Variants in PCDHGB1 observed in about 807,000 individuals in gnomAD.
The protein encoded by PCDHGB1 is protocadherin gamma subfamily B, 1.
A neutral mutation model predicts 56.6 loss-of-function variants in PCDHGB1; 34 were observed. That is an observed-to-expected ratio of 0.60 (90% confidence interval 0.46 to 0.80). The LOEUF (loss-of-function observed/expected upper bound fraction) is 0.80. PCDHGB1 is among the 30% of genes least tolerant of loss of function. The pLI, the probability that PCDHGB1 is intolerant of heterozygous loss-of-function variation, is 0.00. For missense variants in PCDHGB1, 1,278 were observed against 1,204.6 expected, an observed-to-expected ratio of 1.06 and a Z score of -0.90; for synonymous variants, 561 against 505.9, an observed-to-expected ratio of 1.11 and a Z score of -1.46.
chr5:141,461,072 A>G (rs555905734), intron 1 of PCDHGB1, among the ~76,000 whole-genome samples: 2 of 151,574 alleles, frequency 1.3e-5, no homozygotes, highest in Non-Finnish European at 2.9e-5. Flanking sequence ...ACATTTTTGC[A>G]ATTGTGAATT....
At chr5:141,478,519 G>A in intron 1 of PCDHGB1, 2 of 1,610,728 alleles carry the variant, frequency 1.2e-6, no homozygotes, top group Non-Finnish European at 1.7e-6. Context: ...GGCAGGTGTT[G>A]GGTGCAGAGA....
rs772264177 is a variant in PCDHGB1 at position 141,376,458 on chromosome 5, T to C, written c.2409+23789T>C. On this transcript the variant is annotated intron_variant, in intron 1 of 3. Coordinates refer to ENST00000523390, the MANE Select transcript of PCDHGB1 (RefSeq NM_018922.3). Reference sequence around the variant, plus strand: ...AGCTATGAGAAAAGCGAGCCTCTTCTGATAACTCAGGATTTACTTGAAACG... The same window carrying C: ...AGCTATGAGAAAAGCGAGCCTCTTCCGATAACTCAGGATTTACTTGAAACG... 14 of 1,614,106 alleles carry C rather than the reference T, an allele frequency of 8.7e-6. No individual in the cohort carries two copies. In the African/African-American group the frequency reaches 1.5e-4, roughly 17 times the overall value.
chr5:141,433,837 C>CAAA lies in PCDHGB1; in HGVS notation c.2410-60954_2410-60952dup, dbSNP rs56191208. The stretch of plus-strand genomic sequence containing the variant: ...GGGCAACAAGAGTGAAACTCTATCT[C>CAAA]AAAAAAAAAAAAAAAAAACTTTATC... On this transcript the variant is annotated intron_variant, in intron 1 of 3. Transcript: ENST00000523390. 4.3e-3 allele frequency among the ~76,000 whole-genome samples: 475 copies of CAAA among 111,672 alleles called. 6 individuals carry two copies. The highest frequency in any genetic ancestry group is 0.013 in the African/African-American group (431 of 32,292). The allele number at this position is 111,672 out of a possible 152,430, so 73.3% of individuals were successfully genotyped here.
chr5:141,433,993 T>C (rs1367687577), intron 1 of PCDHGB1, among the ~76,000 whole-genome samples: 1 of 152,216 alleles, frequency 6.6e-6, no homozygotes, highest in Admixed American at 6.5e-5. Flanking sequence ...GAGTTTTATA[T>C]TCTCTATATA....
chr5:141,414,644 A>C lies in PCDHGB1; in HGVS notation c.2409+61975A>C, dbSNP rs1310121141. 6.2e-7 allele frequency: 1 copy of C among 1,613,982 alleles called. No individual in the cohort carries two copies. Among genetic ancestry groups the C allele is most frequent in the Non-Finnish European group, 8.5e-7 (1 of 1,179,894 alleles). ...GACCCGGACAGCAAAGAGAATGCCC[A>C]GATTATTTACTCCCTGGCTGAAGAC... On this transcript the variant is annotated intron_variant, in intron 1 of 3. Transcript: ENST00000523390.
intron 1 of PCDHGB1, among the ~76,000 whole-genome samples, chr5:141,407,218 G>A (rs1056826116): frequency 1.3e-5 from 2 of 152,108 alleles, no homozygotes; most frequent in Admixed American, 6.5e-5. Flanking sequence ...CCTTAAGTGG[G>A]TAGCAAAAAA....
Position 141,485,738 on chromosome 5 carries a change from A to G in PCDHGB1, c.2410-9069A>G, listed in dbSNP as rs1443978038. Reference sequence around the variant, plus strand: ...GGATGTGAAGAAGCGCAGCGACGGCAGCCTGGTCCCAGAGCTGCTCCTGGA... The same window carrying G: ...GGATGTGAAGAAGCGCAGCGACGGCGGCCTGGTCCCAGAGCTGCTCCTGGA... On this transcript the variant is annotated intron_variant, in intron 1 of 3. Transcript: ENST00000523390. This position sits in a 1 kb window ranked among gnomAD's most constrained non-coding sequence, Gnocchi z 5.7. 1 of 1,614,230 alleles carries G rather than the reference A, an allele frequency of 6.2e-7. No individual in the cohort carries two copies.
chr5:141,372,962 A>T, intron 1 of PCDHGB1: 2 of 706,258 alleles, frequency 2.8e-6, no homozygotes, highest in Non-Finnish European at 4.5e-6. Context: ...TCTTTGTAGA[A>T]TTTCCTGTAG....
At chr5:141,408,097 C>T (rs2095040197) in intron 1 of PCDHGB1, 5 of 1,434,516 alleles carry the variant, frequency 3.5e-6, no homozygotes, top group Non-Finnish European at 3.7e-6. Context: ...TTGCCAGCTC[C>T]GAGACCCGGG....
At chr5:141,423,471 G>A in intron 1 of PCDHGB1, 1 of 1,614,052 alleles carries the variant, frequency 6.2e-7, no homozygotes, top group South Asian at 1.1e-5. Context: ...ACGGGGTACA[G>A]GCTTTCCTGC....
chr5:141,415,896 AC>A, intron 1 of PCDHGB1: 1 of 882,726 alleles, frequency 1.1e-6, no homozygotes, highest in East Asian at 3.3e-5. Flanking sequence ...AATTCCTAAG[AC>A]AGACTTCCAT....
chr5:141,430,957 C>T (rs771551541), intron 1 of PCDHGB1: 42 of 1,611,532 alleles, frequency 2.6e-5, no homozygotes, highest in Middle Eastern at 3.3e-4. Context: ...GAGTCCGCAT[C>T]ATCCCCAGAG....
At chr5:141,361,231 A>G (rs1248946415) in intron 1 of PCDHGB1, 3 of 1,614,014 alleles carry the variant, frequency 1.9e-6, no homozygotes, top group Non-Finnish European at 2.5e-6. Context: ...AGGAACAGTG[A>G]TCGCCTTGAT....
intron 1 of PCDHGB1, chr5:141,409,184 T>G: frequency 6.2e-7 from 1 of 1,614,044 alleles, no homozygotes; most frequent in East Asian, 2.2e-5. Context: ...AGGTGGTCTC[T>G]CTACCCAGTG....
intron 1 of PCDHGB1, chr5:141,377,439 GA>G (rs1279056265): frequency 3.3e-5 from 5 of 151,486 alleles, no homozygotes; most frequent in Non-Finnish European, 2.9e-5. Flanking sequence ...CTACCAAAAA[GA>G]AAAAAAAGTA....
chr5:141,362,819 G>T lies in PCDHGB1; in HGVS notation c.2409+10150G>T, dbSNP rs73265837. On this transcript the variant is annotated intron_variant, in intron 1 of 3. Transcript: ENST00000523390. Reference sequence around the variant, plus strand: ...CATCTTTACATTACTTCTCTCTGCAGATTTGTTGCTATTGAGACTTTAGGC... The same window carrying T: ...CATCTTTACATTACTTCTCTCTGCATATTTGTTGCTATTGAGACTTTAGGC... 9.1e-3 allele frequency among the ~76,000 whole-genome samples: 1,386 copies of T among 152,280 alleles called. 21 individuals are homozygous for T. Among genetic ancestry groups the T allele is most frequent in the African/African-American group, 0.032 (1,315 of 41,542 alleles).
intron 2 of PCDHGB1, among the ~76,000 whole-genome samples, chr5:141,504,479 G>T (rs1270717855): frequency 6.6e-6 from 1 of 152,100 alleles, no homozygotes; most frequent in African/African-American, 2.4e-5. Context: ...TGGGAGTACA[G>T]TGGAGGCACC....
chr5:141,478,186 C>T, intron 1 of PCDHGB1: 2 of 1,614,016 alleles, frequency 1.2e-6, no homozygotes, highest in Non-Finnish European at 1.7e-6. Context: ...AAAAAAATCT[C>T]ACCTTTTATC....
intron 1 of PCDHGB1, chr5:141,360,206 T>G: frequency 6.2e-7 from 1 of 1,613,114 alleles, no homozygotes; most frequent in Admixed American, 1.7e-5. Context: ...CTGTTGTCTT[T>G]GTTCCCCGGG....
Sources: allele counts gnomAD v4.1 joint callset (sites outside exome capture counted in the v4.1 genomes callset), GRCh38; gene constraint gnomAD v4.1.1; non-coding constraint Gnocchi (gnomAD v3.1); transcripts MANE v1.5; gene names NCBI Gene and HGNC (gene_info 2026-07-23, HGNC 2026-07-21).